NEBL: variants seen among roughly 807,000 people sequenced by gnomAD.
NEBL encodes nebulette.
Under a neutral mutation model 140.2 loss-of-function variants are expected in NEBL, and 122 were observed. That is an observed-to-expected ratio of 0.87 (90% CI 0.75 to 1.01). The LOEUF is 1.01. NEBL is among the 50% of genes least tolerant of loss of function. The probability of loss-of-function intolerance (pLI) is 0.00; values close to 1 mark genes in which losing one functional copy is unlikely to be tolerated. For synonymous variants in NEBL, 436 were observed against 398.9 expected (o/e 1.09, Z -1.11); for missense variants, 1,365 against 1,231.3 (o/e 1.11, Z -1.62).
upstream of NEBL, among the ~76,000 whole-genome samples, chr10:20,900,923 GC>G (rs1398835511): frequency 6.7e-6 from 1 of 150,370 alleles, no homozygotes; most frequent in Non-Finnish European, 1.5e-5. Flanking sequence ...GGAGGCCGAG[GC>G]AGGAGAATCA....
chr10:21,235,169 G>A lies in NEBL; in HGVS notation n.348+12752C>T, dbSNP rs149460405. On this transcript the variant is annotated intron_variant and non_coding_transcript_variant, in intron 3 of 8. Transcript: ENST00000675702. ...AAATTAGCTGGGCATGGTGGTGTGC[G>A]CCTGTAGTCCCAGCTGCTCGGGAAG... Among the ~76,000 whole-genome samples, 1,388 of 152,076 alleles carry A rather than the reference G, an allele frequency of 9.1e-3. 20 individuals carry two copies. Among genetic ancestry groups the A allele is most frequent in the African/African-American group, 0.032 (1,331 of 41,498 alleles).
At chr10:21,234,016 TAGATAGATAGATAGATAGATAGATAG>T (rs1842311758) in intron 3 of NEBL, among the ~76,000 whole-genome samples, 1 of 134,824 alleles carries the variant, frequency 7.4e-6, no homozygotes, top group African/African-American at 2.6e-5. Flanking sequence ...GTGAGATAGA[TAGATAGATAGATAGATAGATAGATAG>T]ATAGATATCT....
intron 7 of NEBL, among the ~76,000 whole-genome samples, chr10:20,865,066 T>C (rs1168411738): frequency 2.6e-5 from 4 of 152,184 alleles, no homozygotes; most frequent in Non-Finnish European, 4.4e-5. Flanking sequence ...TTTTTGTGGA[T>C]TGAATTTGAA....
intron 24 of NEBL, 22 bp from the exon 25 acceptor site, chr10:20,809,920 C>G (rs1231212447): frequency 1.1e-6 from 1 of 921,984 alleles, no homozygotes. Flanking sequence ...AGGAAGAAAT[C>G]AACACTCATC....
At chr10:21,192,165 A>C (rs1327314003) in intron 3 of NEBL, among the ~76,000 whole-genome samples, 1 of 150,956 alleles carries the variant, frequency 6.6e-6, no homozygotes, top group Non-Finnish European at 1.5e-5. Context: ...TCATTCACTC[A>C]TTCCCTCTCC....
At chr10:20,891,589 G>A (rs953215037) in intron 2 of NEBL, among the ~76,000 whole-genome samples, 1 of 152,144 alleles carries the variant, frequency 6.6e-6, no homozygotes, top group African/African-American at 2.4e-5. Context: ...TCTGACACAT[G>A]CAGAACGTTC....
chr10:21,064,657 A>G (rs892471231), intron 2 of NEBL, among the ~76,000 whole-genome samples: 1 of 152,206 alleles, frequency 6.6e-6, no homozygotes, highest in African/African-American at 2.4e-5. Flanking sequence ...TGCATTTCTA[A>G]TTACTATTTT....
chr10:21,248,009 T>TA (rs1564549532), intron 2 of NEBL: 9 of 222,496 alleles, frequency 4.0e-5, no homozygotes, highest in Middle Eastern at 1.1e-3. Context: ...GAAATTATGA[T>TA]TAAAAAAAAA....
At chr10:20,801,077 A>G (rs1472265190) in intron 26 of NEBL, among the ~76,000 whole-genome samples, 4 of 152,064 alleles carry the variant, frequency 2.6e-5, no homozygotes, top group African/African-American at 7.2e-5. Flanking sequence ...CAGCCTCAAG[A>G]TGTGCTGAAC....
intron 2 of NEBL, among the ~76,000 whole-genome samples, chr10:21,042,259 T>G (rs1475500696): frequency 6.6e-6 from 1 of 152,188 alleles, no homozygotes; most frequent in Non-Finnish European, 1.5e-5. Context: ...ACTTTGGGAC[T>G]GAGGAACGTA....
intron 3 of NEBL, among the ~76,000 whole-genome samples, chr10:21,009,686 T>C (rs1460176269): frequency 6.6e-6 from 1 of 152,216 alleles, no homozygotes; most frequent in East Asian, 1.9e-4. Flanking sequence ...CGGAAGCTTT[T>C]TCAAAGAATG....
At chr10:21,182,720 G>A (rs961605320) in intron 3 of NEBL, among the ~76,000 whole-genome samples, 1 of 152,154 alleles carries the variant, frequency 6.6e-6, no homozygotes, top group Admixed American at 6.5e-5. Context: ...AGCCACATGT[G>A]TAATTTTAAA....
At chr10:20,917,752 C>T (rs945780072) in intron 4 of NEBL, among the ~76,000 whole-genome samples, 3 of 152,192 alleles carry the variant, frequency 2.0e-5, no homozygotes, top group African/African-American at 7.2e-5. Context: ...GTTTCTGTCT[C>T]ATGGTGACCT....
chr10:21,275,846 CG>C (rs1842915809), intron 1 of NEBL, among the ~76,000 whole-genome samples: 1 of 133,578 alleles, frequency 7.5e-6, no homozygotes, highest in African/African-American at 2.9e-5. Flanking sequence ...TTAGTAGAGA[CG>C]GGGTTTCTCC....
intron 2 of NEBL, among the ~76,000 whole-genome samples, chr10:21,111,141 T>C (rs1360747663): frequency 6.6e-6 from 1 of 152,102 alleles, no homozygotes; most frequent in African/African-American, 2.4e-5. Flanking sequence ...ATAAGAAGAA[T>C]CAATATCATG....
chr10:20,873,066 G>A (rs767778770), intron 5 of NEBL, among the ~76,000 whole-genome samples: 7 of 152,118 alleles, frequency 4.6e-5, no homozygotes, highest in Non-Finnish European at 8.8e-5. Flanking sequence ...ATCAGGACCC[G>A]TTTCCTGTAA....
intron 4 of NEBL, among the ~76,000 whole-genome samples, chr10:20,910,828 GT>G (rs5783756): frequency 0.52 from 75,996 of 146,454 alleles, 20,938 homozygotes; most frequent in Non-Finnish European, 0.61. Flanking sequence ...TTTCGTTTTT[GT>G]TTTTTTTTTT....
intron 2 of NEBL, among the ~76,000 whole-genome samples, chr10:21,078,820 G>C (rs544003815): frequency 9.2e-5 from 14 of 152,324 alleles, no homozygotes; most frequent in Non-Finnish European, 1.8e-4. Context: ...AGCACTAGAA[G>C]TTGCAGTCTT....
intron 2 of NEBL, chr10:21,248,055 C>A: frequency 4.3e-6 from 1 of 230,022 alleles, no homozygotes; most frequent in South Asian, 8.4e-5. Flanking sequence ...GGATTCAAGT[C>A]TGGACGGCAC....
Sources: gnomAD v4.1 joint callset for allele counts (sites outside exome capture counted in the v4.1 genomes callset) on GRCh38, gnomAD v4.1.1 for gene constraint, MANE v1.5 for transcripts, NCBI Gene and HGNC (gene_info 2026-07-23, HGNC 2026-07-21) for gene names.